Variants in KBTBD7 observed in about 807,000 individuals in gnomAD.
KBTBD7 encodes the protein kelch repeat and BTB domain containing 7.
KBTBD7 carries 25 observed loss-of-function variants against 50.3 expected under a neutral mutation model. The ratio of observed to expected loss-of-function variants is 0.50; its 90% CI spans 0.36 to 0.69. The LOEUF is 0.69. Ranked by LOEUF, KBTBD7 falls within the 30% of genes least tolerant of loss-of-function variation. The pLI is 0.00. For missense variants in KBTBD7, 653 were observed against 869.5 expected (o/e 0.75, Z 3.13); for synonymous variants, 305 against 325.3 (o/e 0.94, Z 0.67).
In KBTBD7 at chr13:41,192,779, G is replaced by A. The variant is rs1304729021; in HGVS notation, c.1479C>T (p.Arg493=). 6.2e-7 allele frequency: 1 copy of A among 1,614,182 alleles called. No homozygotes were observed. Among genetic ancestry groups the A allele is most frequent in the Middle Eastern group, 1.6e-4 (1 of 6,062 alleles). The change falls in exon 1 of 1, where the codon CGC becomes CGT. Residue 493 remains arginine, a synonymous_variant. Transcript: ENST00000379483. ...QNYLYAVNSK[R]MLCYDPSHNM... ...TGTGGCTAGGATCATAGCAAAGCATGCGCTTACTGTTGACAGCATAAAGAT... is the reference window on the plus strand; with the variant it reads ...TGTGGCTAGGATCATAGCAAAGCATACGCTTACTGTTGACAGCATAAAGAT...
Position 41,192,940 on chromosome 13 carries a change from A to G in KBTBD7, c.1318T>C (p.Leu440=). ...VAYLNGYIYI[L]GGRDPITGVK... ...CCAGTAATAGGGTCTCGTCCCCCCA[A>G]AATGTAGATGTAGCCATTGAGATAT... The change falls in exon 1 of 1, where the codon TTG becomes CTG. Residue 440 remains leucine (L), a synonymous_variant. Coordinates refer to ENST00000379483, the MANE Select transcript of KBTBD7 (RefSeq NM_032138.7). 6.2e-7 allele frequency: 1 copy of G among 1,614,170 alleles called. No individual in the cohort carries two copies.
In KBTBD7 at chr13:41,193,451, G is replaced by A; in HGVS notation, c.807C>T (p.His269=). Reference sequence around the variant, plus strand: ...AGTAGTCCTGATCTTCTTCAGTGAAGTGCATCCAGCGCACGCACTTGAAGA... The same window carrying A: ...AGTAGTCCTGATCTTCTTCAGTGAAATGCATCCAGCGCACGCACTTGAAGA... ...AEVFKCVRWM[H]FTEEDQDYLE... is the part of the protein sequence containing the mutation. Residue 269 remains histidine (H), a synonymous_variant, in exon 1 of 1, where the codon CAC becomes CAT. Coordinates refer to ENST00000379483, the MANE Select transcript of KBTBD7 (RefSeq NM_032138.7). This position sits in a 1 kb window ranked among gnomAD's most constrained non-coding sequence, Gnocchi z 5.7. The A allele has an allele frequency of 6.2e-7, 1 of 1,614,120 alleles. No individual in the cohort carries two copies.
chr13:41,192,506 T>C lies in KBTBD7; in HGVS notation c.1752A>G (p.Thr584=), dbSNP rs149569855. The change falls in exon 1 of 1, where the codon ACA becomes ACG. Residue 584 remains threonine, a synonymous_variant. Transcript: ENST00000379483. ...CTTCCCTAGTATCATACTCATACAC[T>C]GTCACTCGGTTCTTTTTCCATTGTG... ...TTPQWKKNRV[T]VYEYDTREDQ... 8.1e-5 allele frequency: 131 copies of C among 1,614,106 alleles called. No individual in the cohort carries two copies. Among genetic ancestry groups the C allele is most frequent in the Non-Finnish European group, 1.1e-4 (126 of 1,180,030 alleles).
chr13:41,191,891 A>T lies in KBTBD7; in HGVS notation c.*312T>A, dbSNP rs74048279. The T allele has an allele frequency of 0.02, 4,039 of 206,816 alleles. 152 individuals are homozygous for T. Among genetic ancestry groups the T allele is most frequent in the African/African-American group, 0.085 (3,695 of 43,334 alleles). 12.8% of individuals were successfully genotyped at this position (206,816 alleles called of 1,614,324 possible). ...AAATTAACAGAAGACTGAATTAATT[A>T]AAAAAAAAGCATACTAACTAATCAA... On this transcript the variant is annotated 3_prime_UTR_variant, in exon 1 of 1. Transcript: ENST00000379483.
Position 41,193,837 on chromosome 13 carries a change from C to G in KBTBD7, c.421G>C (p.Val141Leu), listed in dbSNP as rs770856296. The G allele has an allele frequency of 6.2e-7, 1 of 1,614,182 alleles. No individual in the cohort carries two copies. Among genetic ancestry groups the G allele is most frequent in the Non-Finnish European group, 8.5e-7 (1 of 1,180,056 alleles). Residue 141 changes from valine (V) to leucine (L), a missense_variant, in exon 1 of 1, where the codon GTG becomes CTG. Physicochemically the swap from Val to Leu is conservative, Grantham distance 32 (BLOSUM62 1). Coordinates refer to ENST00000379483, the MANE Select transcript of KBTBD7 (RefSeq NM_032138.7). This position sits in a 1 kb window ranked among gnomAD's most constrained non-coding sequence, Gnocchi z 5.7. ...TCGGAGGCCGCGTACAGGCGCTGCA[C>G]ATTGGCCTCACTGAGAGACACACGA... Reference protein sequence around the residue: ...TGRVSLSEANVQRLYAASDML... With the variant: ...TGRVSLSEANLQRLYAASDML...
rs560522720 is a variant in KBTBD7, at chr13:41,190,284, G to GT, written c.*1918dup. ...ATTTAGCTTTAGGTCACTAAAGCAT[G>GT]TTTACCCTTTTGAAGAAACATGTAT... On this transcript the variant is annotated 3_prime_UTR_variant, in exon 1 of 1. Coordinates refer to ENST00000379483, the MANE Select transcript of KBTBD7 (RefSeq NM_032138.7). 1.3e-5 allele frequency: 2 copies of GT among 152,142 alleles called. No homozygotes were observed. Among genetic ancestry groups the GT allele is most frequent in the African/African-American group, 4.8e-5 (2 of 41,426 alleles). 9.4% of individuals were successfully genotyped at this position (152,142 alleles called of 1,614,324 possible).
At position 41,194,367 on chromosome 13, in the gene KBTBD7, C is replaced by G; in HGVS notation, c.-110G>C. The G allele has an allele frequency of 7.1e-7, 1 of 1,413,700 alleles. No homozygotes were observed. The highest frequency in any genetic ancestry group is 9.5e-7 in the Non-Finnish European group (1 of 1,050,246). The allele number at this position is 1,413,700 out of a possible 1,614,324, so 87.6% of individuals were successfully genotyped here. ...AAGACAAGCCGCGTCCTGGAACAGA[C>G]TGCGGCACGGGCCGCACTTCTGAAT... On this transcript the variant is annotated 5_prime_UTR_variant, in exon 1 of 1. Transcript: ENST00000379483.
In KBTBD7 at chr13:41,191,336, G is replaced by T. The variant is rs2031376261; in HGVS notation, c.*867C>A. On this transcript the variant is annotated 3_prime_UTR_variant, in exon 1 of 1. Transcript: ENST00000379483. ...GTCCAGGAATTGTTCCTCTGAGTCAGTAAAGCATGTATTGGGCATAAATTA... is the reference window on the plus strand; with the variant it reads ...GTCCAGGAATTGTTCCTCTGAGTCATTAAAGCATGTATTGGGCATAAATTA... 6.7e-6 allele frequency: 1 copy of T among 148,850 alleles called. No individual in the cohort carries two copies. The highest frequency in any genetic ancestry group is 2.1e-4 in the South Asian group (1 of 4,684). 9.2% of individuals were successfully genotyped at this position (148,850 alleles called of 1,614,324 possible).
At position 41,193,372 on chromosome 13, in the gene KBTBD7, C is replaced by T. The variant is rs2031442903; in HGVS notation, c.886G>A (p.Glu296Lys). ...CCATAGCGCATCTGCAGGGCCCCTT[C>T]AATAACGTCCAGGCAGTACTTCTTC... ...IVKKYCLDVI[E>K]GALQMRYGDL... The change falls in exon 1 of 1, where the codon GAA becomes AAA. Residue 296 changes from glutamate (E) to lysine (K), a missense_variant. Transcript: ENST00000379483. This position sits in a 1 kb window ranked among gnomAD's most constrained non-coding sequence, Gnocchi z 5.7. The T allele has an allele frequency of 6.2e-7, 1 of 1,612,748 alleles. No individual in the cohort carries two copies. The highest frequency in any genetic ancestry group is 8.5e-7 in the Non-Finnish European group (1 of 1,178,866).
Position 41,193,607 on chromosome 13 carries a change from T to C in KBTBD7, c.651A>G (p.Leu217=), listed in dbSNP as rs201895863. The change falls in exon 1 of 1, where the codon CTA becomes CTG. Residue 217 remains leucine (L), a synonymous_variant. Coordinates refer to ENST00000379483, the MANE Select transcript of KBTBD7 (RefSeq NM_032138.7). This position sits in a 1 kb window ranked among gnomAD's most constrained non-coding sequence, Gnocchi z 5.7. ...GGACAGCCAGCAGCTGGGCCAGGGT[T>C]AGATCTGCTAGAGTCTCCTCCCGAA... The part of the protein sequence containing the change: ...GSIREETLAD[L]TLAQLLAVLR... 201 of 1,614,190 alleles carry C rather than the reference T, an allele frequency of 1.2e-4. No homozygotes were observed. Among genetic ancestry groups the C allele is most frequent in the South Asian group, 2.2e-4 (20 of 91,084 alleles).
chr13:41,191,545 ATTTT>A lies in KBTBD7; in HGVS notation c.*654_*657del, dbSNP rs1216134564. The A allele has an allele frequency of 3.9e-4, 26 of 67,416 alleles. No homozygotes were observed. Among genetic ancestry groups the A allele is most frequent in the Admixed American group, 1.1e-3 (4 of 3,754 alleles). The allele number at this position is 67,416 out of a possible 1,614,324, so 4.2% of individuals were successfully genotyped here. A position where few individuals can be genotyped will look rare whatever the true frequency, so the allele number is the denominator to read the frequency against. Reference sequence around the variant, plus strand: ...TTTCTTTTAAAACAGTGGAATCCTGATTTTTTCTTTTTTTTTTTTTTTTTTTTTA... The same window carrying A: ...TTTCTTTTAAAACAGTGGAATCCTGATTCTTTTTTTTTTTTTTTTTTTTTA... On this transcript the variant is annotated 3_prime_UTR_variant, in exon 1 of 1. Coordinates refer to ENST00000379483, the MANE Select transcript of KBTBD7 (RefSeq NM_032138.7).
chr13:41,192,319 C>G lies in KBTBD7; in HGVS notation c.1939G>C (p.Asp647His). The G allele has an allele frequency of 6.2e-7, 1 of 1,614,184 alleles. No individual in the cohort carries two copies. The highest frequency in any genetic ancestry group is 8.5e-7 in the Non-Finnish European group (1 of 1,180,024). Residue 647 changes from aspartate (D) to histidine (H), a missense_variant, in exon 1 of 1, where the codon GAT (aspartate) becomes CAT (histidine). Physicochemically the swap from Asp to His is moderately conservative, Grantham distance 81. Coordinates refer to ENST00000379483, the MANE Select transcript of KBTBD7 (RefSeq NM_032138.7). ...TCAGAGTCCAGCTCACTGAATCCAT[C>G]TAAGTCCCATTCAGTACTAGACTCA... ...RSESSTEWDL[D>H]GFSELDSESG...
In KBTBD7 at chr13:41,193,224, A is replaced by C; in HGVS notation, c.1034T>G (p.Met345Arg). Residue 345 changes from methionine to arginine, a missense_variant, in exon 1 of 1, where the codon ATG becomes AGG. Coordinates refer to ENST00000379483, the MANE Select transcript of KBTBD7 (RefSeq NM_032138.7). This position sits in a 1 kb window ranked among gnomAD's most constrained non-coding sequence, Gnocchi z 5.7. ...TCTAGGATGTCCAAAGAAGATCACC[A>C]TCTCCTTGGCACACATACCCAGTCT... The part of the protein sequence containing the change: ...PQRLGMCAKE[M>R]VIFFGHPRDP... The C allele has an allele frequency of 6.2e-7, 1 of 1,613,864 alleles. No individual in the cohort carries two copies. Among genetic ancestry groups the C allele is most frequent in the Non-Finnish European group, 8.5e-7 (1 of 1,179,832 alleles).
In KBTBD7 at chr13:41,191,552, CTTTTTTTTTT is replaced by C. The variant is rs1206275963; in HGVS notation, c.*641_*650del. The stretch of plus-strand genomic sequence containing the variant: ...TAAAACAGTGGAATCCTGATTTTTT[CTTTTTTTTTT>C]TTTTTTTTTTTACTTTCTGTGAGCT... On this transcript the variant is annotated 3_prime_UTR_variant, in exon 1 of 1. Transcript: ENST00000379483. 2 of 50,828 alleles carry C rather than the reference CTTTTTTTTTT, an allele frequency of 3.9e-5. No individual in the cohort carries two copies. Among genetic ancestry groups the C allele is most frequent in the East Asian group, 4.0e-4 (1 of 2,478 alleles). The allele number at this position is 50,828 out of a possible 1,614,324, so 3.1% of individuals were successfully genotyped here.
rs576656811 is a variant in KBTBD7, at chr13:41,194,266, T to C, written c.-9A>G. On this transcript the variant is annotated 5_prime_UTR_variant, in exon 1 of 1. Coordinates refer to ENST00000379483, the MANE Select transcript of KBTBD7 (RefSeq NM_032138.7). ...TCTTCCCGGGACTGCATGGTGGAGA[T>C]GGCGACGGGCGCTGACGGCGAGAAA... The C allele has an allele frequency of 5.0e-6, 8 of 1,609,234 alleles. No individual in the cohort carries two copies. In the Admixed American group the frequency reaches 8.4e-5, roughly 17 times the overall value.
chr13:41,194,241 T>C lies in KBTBD7; in HGVS notation c.17A>G (p.Asp6Gly), dbSNP rs1452236842. Reference sequence around the variant, plus strand: ...GGCGAGGCGGCGAGAGCGCGGGACGTCTTCCCGGGACTGCATGGTGGAGAT... The same window carrying C: ...GGCGAGGCGGCGAGAGCGCGGGACGCCTTCCCGGGACTGCATGGTGGAGAT... MQSREDVPRSRRLASP... is the reference protein window; with the variant it reads MQSREGVPRSRRLASP... The change falls in exon 1 of 1, where the codon GAC becomes GGC. Residue 6 changes from aspartate (D) to glycine (G), a missense_variant. Physicochemically the swap from Asp to Gly is moderately conservative, Grantham distance 94. Transcript: ENST00000379483. The C allele has an allele frequency of 1.2e-6, 2 of 1,613,816 alleles. No homozygotes were observed. The highest frequency in any genetic ancestry group is 2.7e-5 in the African/African-American group (2 of 74,908).
In KBTBD7 at chr13:41,194,339, G is replaced by T. The variant is rs2031479311; in HGVS notation, c.-82C>A. On this transcript the variant is annotated 5_prime_UTR_variant, in exon 1 of 1. Coordinates refer to ENST00000379483, the MANE Select transcript of KBTBD7 (RefSeq NM_032138.7). ...TCCTCCTCAACCTTCCCTCGCTGAC[G>T]CTAAGACAAGCCGCGTCCTGGAACA... is the stretch of plus-strand genomic sequence containing the variant. 5 of 1,524,850 alleles carry T rather than the reference G, an allele frequency of 3.3e-6. No individual in the cohort carries two copies. Among genetic ancestry groups the T allele is most frequent in the South Asian group, 1.3e-5 (1 of 79,010 alleles). The allele number at this position is 1,524,850 out of a possible 1,614,324, so 94.5% of individuals were successfully genotyped here.
At position 41,192,211 on chromosome 13, in the gene KBTBD7, A is replaced by T. The variant is rs564875364; in HGVS notation, c.2047T>A (p.Ser683Thr). The T allele has an allele frequency of 1.9e-6, 3 of 1,607,434 alleles. No homozygotes were observed. The South Asian group carries it at 3.3e-5, about 18-fold the overall frequency. Residue 683 changes from serine (S) to threonine (T), a missense_variant, in exon 1 of 1, where the codon TCT becomes ACT. By Grantham distance (58) the Ser-to-Thr change is moderately conservative. Coordinates refer to ENST00000379483, the MANE Select transcript of KBTBD7 (RefSeq NM_032138.7). Reference protein sequence around the residue: ...PQRNAQDQQGSL With the variant: ...PQRNAQDQQGTL ...GTGTCTCAAAATACTATTTACAAAG[A>T]ACCCTGCTGATCCTGTGCATTTCGC...
chr13:41,191,521 T>C lies in KBTBD7; in HGVS notation c.*682A>G, dbSNP rs1037850287. 2 of 149,980 alleles carry C rather than the reference T, an allele frequency of 1.3e-5. No homozygotes were observed. Among genetic ancestry groups the C allele is most frequent in the African/African-American group, 4.9e-5 (2 of 41,132 alleles). The allele number at this position is 149,980 out of a possible 1,614,324, so 9.3% of individuals were successfully genotyped here. On this transcript the variant is annotated 3_prime_UTR_variant, in exon 1 of 1. Coordinates refer to ENST00000379483, the MANE Select transcript of KBTBD7 (RefSeq NM_032138.7). ...TATATTCCAAAATAAAAACTGAGAT[T>C]TCTTTTAAAACAGTGGAATCCTGAT...
Sources: allele counts gnomAD v4.1 joint callset, GRCh38; gene constraint gnomAD v4.1.1; non-coding constraint Gnocchi (gnomAD v3.1); transcripts MANE v1.5; gene names NCBI Gene and HGNC (gene_info 2026-07-23, HGNC 2026-07-21).